Variants in POU6F2 observed in about 807,000 individuals in gnomAD.
POU6F2 encodes the protein POU class 6 homeobox 2, also known as POU domain, class 6, transcription factor 2.
Under a neutral mutation model 71.3 loss-of-function variants are expected in POU6F2, and 31 were observed. That is an observed-to-expected ratio of 0.43 (90% CI 0.33 to 0.59). The LOEUF (loss-of-function observed/expected upper bound fraction) is 0.59. Ranked by LOEUF, POU6F2 falls within the 20% of genes least tolerant of loss-of-function variation. POU6F2 has a pLI of 0.04. For synonymous variants in POU6F2, 347 were observed against 355.7 expected (o/e 0.98, Z 0.27); for missense variants, 783 against 856.8 (o/e 0.91, Z 1.07).
At chr7:39,056,011 TA>T (rs11287003) in intron 1 of POU6F2, among the ~76,000 whole-genome samples, 46,269 of 149,608 alleles carry the variant, frequency 0.31, 7,517 homozygotes, top group African/African-American at 0.42. Flanking sequence ...CTTTAATCTT[TA>T]AAAAAAAAAG....
At chr7:39,002,684 T>C (rs924919048) in intron 1 of POU6F2, among the ~76,000 whole-genome samples, 8 of 152,246 alleles carry the variant, frequency 5.3e-5, no homozygotes, top group African/African-American at 1.9e-4. Context: ...AATAACATTT[T>C]AGAGCAATAA....
intron 1 of POU6F2, among the ~76,000 whole-genome samples, chr7:38,994,871 C>G (rs1788695088): frequency 6.6e-6 from 1 of 152,080 alleles, no homozygotes; most frequent in African/African-American, 2.4e-5. Flanking sequence ...CACCCACCCA[C>G]TAATGTGGTG....
chr7:39,458,764 A>C (rs1391423137), intron 8 of POU6F2, among the ~76,000 whole-genome samples: 1 of 152,158 alleles, frequency 6.6e-6, no homozygotes, highest in Admixed American at 6.5e-5. Context: ...GCTACACTGA[A>C]ATATTCACTA....
chr7:39,114,546 TG>T (rs1791890135), intron 2 of POU6F2, among the ~76,000 whole-genome samples: 1 of 152,166 alleles, frequency 6.6e-6, no homozygotes, highest in Non-Finnish European at 1.5e-5. Flanking sequence ...ATCATTCACA[TG>T]GAAATCACCA....
rs143568416 is a variant in POU6F2 at position 39,075,333 on chromosome 7, T to G, written c.106-10527T>G. Among the ~76,000 whole-genome samples, 15 of 152,236 alleles carry G rather than the reference T, an allele frequency of 9.9e-5. No individual in the cohort carries two copies. In the East Asian group the frequency reaches 2.9e-3, roughly 29 times the overall value. ...TGGTGGGTTGGAGTTCTGGCCCAAC[T>G]CAGAAACTACTCTGGAAACAGTCAA... On this transcript the variant is annotated intron_variant, in intron 1 of 9. Transcript: ENST00000518318.
intron 6 of POU6F2, among the ~76,000 whole-genome samples, chr7:39,423,248 C>T (rs1399193937): frequency 6.6e-6 from 1 of 152,134 alleles, no homozygotes; most frequent in Non-Finnish European, 1.5e-5. Context: ...AAATTGCTGC[C>T]ATCTTGACTG....
chr7:39,105,895 G>C (rs1241431212), intron 2 of POU6F2, among the ~76,000 whole-genome samples: 1 of 152,206 alleles, frequency 6.6e-6, no homozygotes, highest in African/African-American at 2.4e-5. Context: ...ATGGAACCTA[G>C]TTGGATGCCA....
chr7:39,020,125 G>A (rs999606704), intron 1 of POU6F2, among the ~76,000 whole-genome samples: 1 of 152,106 alleles, frequency 6.6e-6, no homozygotes, highest in Non-Finnish European at 1.5e-5. Context: ...AAAAAAGCTA[G>A]CTCCCAATCT....
intron 1 of POU6F2, among the ~76,000 whole-genome samples, chr7:38,981,855 T>C (rs1448108799): frequency 6.6e-6 from 1 of 152,238 alleles, no homozygotes; most frequent in African/African-American, 2.4e-5. Flanking sequence ...TGCATGCATT[T>C]GGCTTAACAG....
intron 2 of POU6F2, among the ~76,000 whole-genome samples, chr7:39,173,838 A>C (rs111228297): frequency 2.0e-5 from 3 of 152,196 alleles, no homozygotes; most frequent in African/African-American, 7.2e-5. Context: ...GGGAATGTAG[A>C]GGGAACCACA....
At chr7:39,095,572 C>A (rs981685366) in intron 2 of POU6F2, among the ~76,000 whole-genome samples, 5 of 152,106 alleles carry the variant, frequency 3.3e-5, no homozygotes, top group Non-Finnish European at 5.9e-5. Context: ...ATAACCTGAA[C>A]CCTGTAACGG....
intron 6 of POU6F2, among the ~76,000 whole-genome samples, chr7:39,421,271 T>C (rs1428687784): frequency 1.3e-5 from 2 of 152,112 alleles, no homozygotes; most frequent in African/African-American, 4.8e-5. Flanking sequence ...GAAAAAGTAA[T>C]ATATGTTTGA....
intron 2 of POU6F2, among the ~76,000 whole-genome samples, chr7:39,161,428 T>A (rs1792995408): frequency 6.6e-6 from 1 of 152,204 alleles, no homozygotes; most frequent in Admixed American, 6.5e-5. Flanking sequence ...AGTACTAGAA[T>A]TTAGTATTTC....
intron 7 of POU6F2, among the ~76,000 whole-genome samples, chr7:39,438,339 T>C (rs1236890623): frequency 6.6e-6 from 1 of 152,222 alleles, no homozygotes; most frequent in Non-Finnish European, 1.5e-5. Context: ...CTTAATCCAG[T>C]CTATCATTGA....
Position 39,171,012 on chromosome 7 carries a change from ATATCT to A in POU6F2, c.278-33221_278-33217del, listed in dbSNP as rs1244790846. Among the ~76,000 whole-genome samples, 795 of 144,878 alleles carry A rather than the reference ATATCT, an allele frequency of 5.5e-3. 5 individuals are homozygous for A. The highest frequency in any genetic ancestry group is 0.019 in the African/African-American group (758 of 39,448). On this transcript the variant is annotated intron_variant, in intron 2 of 9. Transcript: ENST00000518318. ...ATTAGAATTTAAATGTAGTTCACAT[ATATCT>A]TTTTTTTTTTTTTTTTTTTTTTTTA...
chr7:39,121,725 G>A (rs530687676), intron 2 of POU6F2, among the ~76,000 whole-genome samples: 1 of 152,128 alleles, frequency 6.6e-6, no homozygotes, highest in Non-Finnish European at 1.5e-5. Context: ...TAGAGATGGA[G>A]TCTCACTTTG....
At chr7:39,216,507 A>G (rs1794244972) in intron 4 of POU6F2, among the ~76,000 whole-genome samples, 1 of 152,180 alleles carries the variant, frequency 6.6e-6, no homozygotes, top group Non-Finnish European at 1.5e-5. Flanking sequence ...CAAGCAGATC[A>G]GTGGTTGCTG....
chr7:39,173,369 T>C (rs920946434), intron 2 of POU6F2, among the ~76,000 whole-genome samples: 1 of 152,208 alleles, frequency 6.6e-6, no homozygotes, highest in Admixed American at 6.5e-5. Flanking sequence ...GTTACTTAAC[T>C]TTTCTATGCT....
intron 2 of POU6F2, among the ~76,000 whole-genome samples, chr7:39,139,344 C>G (rs12701695): frequency 0.44 from 66,607 of 152,012 alleles, 15,026 homozygotes; most frequent in East Asian, 0.69. Flanking sequence ...GATCATTTCA[C>G]TGCTGATGGG....
Sources: gnomAD v4.1 joint callset for allele counts (sites outside exome capture counted in the v4.1 genomes callset) on GRCh38, gnomAD v4.1.1 for gene constraint, MANE v1.5 for transcripts, NCBI Gene and HGNC (gene_info 2026-07-23, HGNC 2026-07-21) for gene names.